The following EPB41L2 variants were observed in gnomAD, a reference collection of about 807,000 sequenced individuals.
EPB41L2 encodes band 4.1-like protein 2.
In EPB41L2, 43 loss-of-function variants were observed where a neutral mutation model predicts 113.0. The observed-to-expected ratio is 0.38, with a 90% CI of 0.30 to 0.49. EPB41L2 has a LOEUF of 0.49. EPB41L2 is among the 20% of genes least tolerant of loss of function. The pLI is 0.95. For synonymous variants in EPB41L2, 442 were observed against 436.7 expected, an observed-to-expected ratio of 1.01 and a Z score of -0.15; for missense variants, 1,147 against 1,223.4, an observed-to-expected ratio of 0.94 and a Z score of 0.93.
At chr6:131,026,003 G>A (rs1790783211) in intron 1 of EPB41L2, among the ~76,000 whole-genome samples, 1 of 152,176 alleles carries the variant, frequency 6.6e-6, no homozygotes, top group African/African-American at 2.4e-5. Context: ...GGTCACTGAG[G>A]CTAAAGATAC....
At chr6:130,985,163 T>C (rs1780238871) in intron 1 of EPB41L2, among the ~76,000 whole-genome samples, 1 of 152,206 alleles carries the variant, frequency 6.6e-6, no homozygotes, top group Admixed American at 6.5e-5. Context: ...TGTTCCTGTT[T>C]GCCCACCCTT....
At chr6:130,982,175 C>G (rs1008813505) in intron 1 of EPB41L2, among the ~76,000 whole-genome samples, 2 of 151,024 alleles carry the variant, frequency 1.3e-5, no homozygotes, top group Non-Finnish European at 3.0e-5. Flanking sequence ...TTTAGGAAAC[C>G]AAATCAATGC....
chr6:131,046,489 G>A (rs1370691207), intron 1 of EPB41L2, among the ~76,000 whole-genome samples: 22 of 152,096 alleles, frequency 1.4e-4, no homozygotes, highest in Non-Finnish European at 1.5e-4. Flanking sequence ...TTGAAATTCC[G>A]GTCACTACAG....
At position 130,865,626 on chromosome 6, in the gene EPB41L2, G is replaced by A. The variant is rs202080247; in HGVS notation, c.2739C>T (p.Gly913=). 9.9e-6 allele frequency: 16 copies of A among 1,614,002 alleles called. No homozygotes were observed. The highest frequency in any genetic ancestry group is 4.0e-5 in the African/African-American group (3 of 75,034). ...ACGTGCCCGAATCACCACCAGCCCC[G>A]CCATCAATCTTTGGATAGTTGGGGG... ...TITYESPQID[G]GAGGDSGTLL... Residue 913 remains glycine, a synonymous_variant, in exon 17 of 20, where the codon GGC becomes GGT. Coordinates refer to ENST00000337057, the MANE Select transcript of EPB41L2 (RefSeq NM_001431.4).
intron 15 of EPB41L2, chr6:130,868,619 A>G (rs1185882858): frequency 1.3e-5 from 2 of 152,234 alleles, no homozygotes; most frequent in African/African-American, 2.4e-5. Context: ...AATCCACTTA[A>G]TTATTTTAAG....
At chr6:130,951,499 G>T (rs1010046537) in intron 3 of EPB41L2, among the ~76,000 whole-genome samples, 1 of 151,086 alleles carries the variant, frequency 6.6e-6, no homozygotes, top group Non-Finnish European at 1.5e-5. Flanking sequence ...TAAAATTTTT[G>T]TATTTTTGGT....
intron 1 of EPB41L2, among the ~76,000 whole-genome samples, chr6:130,994,240 T>C (rs1358517937): frequency 2.6e-5 from 4 of 152,116 alleles, no homozygotes; most frequent in East Asian, 1.9e-4. Flanking sequence ...TGTAACGTAG[T>C]GCATGAAGGA....
intron 16 of EPB41L2, among the ~76,000 whole-genome samples, chr6:130,866,368 T>C (rs1276029672): frequency 6.6e-6 from 1 of 152,228 alleles, no homozygotes. Flanking sequence ...CGAAACATAT[T>C]TGCCCTCTGT....
rs762345576 is a variant in EPB41L2, at chr6:130,894,350, A to T, written c.1481T>A (p.Phe494Tyr). ...GCTGTTTTCCTAAAATTACCTGTAG[A>T]AAGTATGATGCTCCACGCACACTTT... ...LWKVCVEHHT[F>Y]YRLVSPEQPP... The change falls in exon 10 of 20, where the codon TTC (phenylalanine) becomes TAC (tyrosine). Residue 494 changes from phenylalanine (F) to tyrosine (Y), a missense_variant. Transcript: ENST00000337057. 1 of 1,613,664 alleles carries T rather than the reference A, an allele frequency of 6.2e-7. No individual in the cohort carries two copies. The highest frequency in any genetic ancestry group is 8.5e-7 in the Non-Finnish European group (1 of 1,179,694).
At chr6:131,022,317 G>A (rs983045671) in intron 1 of EPB41L2, among the ~76,000 whole-genome samples, 4 of 152,072 alleles carry the variant, frequency 2.6e-5, no homozygotes, top group African/African-American at 9.7e-5. Flanking sequence ...AGATTGGGAA[G>A]CCCTGCTACT....
At chr6:130,999,083 G>A (rs1178794163) in intron 1 of EPB41L2, among the ~76,000 whole-genome samples, 1 of 151,968 alleles carries the variant, frequency 6.6e-6, no homozygotes, top group Non-Finnish European at 1.5e-5. Context: ...TGCCCATAAT[G>A]ACGAGCACCA....
rs768734701 is a variant in EPB41L2, at chr6:130,973,060, C to T, written c.-14-16561G>A. Among the ~76,000 whole-genome samples, 95 of 151,626 alleles carry T rather than the reference C, an allele frequency of 6.3e-4. 3 individuals are homozygous for T. Among genetic ancestry groups the T allele is most frequent in the Non-Finnish European group, 2.6e-4 (18 of 67,964 alleles). ...CCGGGAGGCGGAGGTTGCAGTGAGC[C>T]GAGATCGTGCCATTGCACTCCAGCC... On this transcript the variant is annotated intron_variant, in intron 1 of 19. Transcript: ENST00000337057.
At chr6:130,880,267 C>T (rs1788883651) in intron 12 of EPB41L2, 61 bp from the exon 13 acceptor site, 2 of 1,209,376 alleles carry the variant, frequency 1.7e-6, no homozygotes, top group South Asian at 2.5e-5. Flanking sequence ...TATCAATCAG[C>T]AAGCACCAAA....
chr6:130,937,619 G>T lies in EPB41L2; in HGVS notation c.706-10910C>A, dbSNP rs929178944. Among the ~76,000 whole-genome samples, 13 of 152,306 alleles carry T rather than the reference G, an allele frequency of 8.5e-5. No homozygotes were observed. The South Asian group carries it at 1.2e-3, about 15-fold the overall frequency. On this transcript the variant is annotated intron_variant, in intron 3 of 19. Transcript: ENST00000337057. ...GTGGACCGTGAGGTCAGGAGTTCAA[G>T]ACCAGCCTGGCCAAGATGGTGAAAC...
intron 1 of EPB41L2, among the ~76,000 whole-genome samples, chr6:131,054,789 G>A (rs1797295756): frequency 6.6e-6 from 1 of 152,238 alleles, no homozygotes; most frequent in Non-Finnish European, 1.5e-5. Flanking sequence ...AGAGCTCCCT[G>A]CTTCTAGTGA....
At chr6:130,918,023 C>A (rs1381282706) in intron 4 of EPB41L2, among the ~76,000 whole-genome samples, 1 of 152,152 alleles carries the variant, frequency 6.6e-6, no homozygotes, top group Non-Finnish European at 1.5e-5. Context: ...CTTTAATATA[C>A]CTTTGCCTAA....
At chr6:130,950,985 T>C (rs1814711712) in intron 3 of EPB41L2, among the ~76,000 whole-genome samples, 2 of 152,110 alleles carry the variant, frequency 1.3e-5, no homozygotes, top group African/African-American at 4.8e-5. Context: ...TGAGAAATAA[T>C]ATTTATTTTT....
At chr6:131,054,573 C>T (rs1797249265) in intron 1 of EPB41L2, among the ~76,000 whole-genome samples, 1 of 152,188 alleles carries the variant, frequency 6.6e-6, no homozygotes, top group Non-Finnish European at 1.5e-5. Context: ...CTTCAGGTCT[C>T]TTCAGGTCTC....
At chr6:131,014,185 G>C (rs1787684864) in intron 1 of EPB41L2, 1 of 152,072 alleles carries the variant, frequency 6.6e-6, no homozygotes, top group Non-Finnish European at 1.5e-5. Flanking sequence ...GGATGAAGCC[G>C]AAGTTCTTCT....
Sources: allele counts gnomAD v4.1 joint callset (sites outside exome capture counted in the v4.1 genomes callset), GRCh38; gene constraint gnomAD v4.1.1; transcripts MANE v1.5; gene names NCBI Gene and HGNC (gene_info 2026-07-23, HGNC 2026-07-21).